CYP20A1: variants seen among roughly 807,000 people sequenced by gnomAD.
The protein encoded by CYP20A1 is cytochrome P450 20A1.
Under a neutral mutation model 61.4 loss-of-function variants are expected in CYP20A1, and 61 were observed. The ratio of observed to expected loss-of-function variants is 0.99; its 90% CI spans 0.81 to 1.23. The LOEUF is 1.23. CYP20A1 is among the 50% of genes most tolerant of loss of function. The pLI, the probability that CYP20A1 is intolerant of heterozygous loss-of-function variation, is 0.00. For synonymous variants in CYP20A1, 193 were observed against 188.2 expected (o/e 1.03, Z -0.21); for missense variants, 530 against 542.4 (o/e 0.98, Z 0.23).
intron 3 of CYP20A1, among the ~76,000 whole-genome samples, chr2:203,247,457 G>C (rs1559084698): frequency 6.6e-6 from 1 of 152,036 alleles, no homozygotes; most frequent in African/African-American, 2.4e-5. Flanking sequence ...TAAAATCTCA[G>C]TGTAAATTCC....
intron 11 of CYP20A1, among the ~76,000 whole-genome samples, chr2:203,294,941 ATTTTTTTT>A (rs1167546590): frequency 8.8e-5 from 4 of 45,470 alleles, no homozygotes; most frequent in African/African-American, 1.7e-4. Flanking sequence ...CTTTAAAAAA[ATTTTTTTT>A]TTTTTTTTTT....
rs1423387309 is a variant in CYP20A1, at chr2:203,303,791, A to G, written c.*6883A>G. ...CTTGGGAGGCTGAGGCATGAGAAAA[A>G]AAATAAACCTGGGAGGTGGAGGTTG... On this transcript the variant is annotated 3_prime_UTR_variant, in exon 13 of 13. Coordinates refer to ENST00000356079, the MANE Select transcript of CYP20A1 (RefSeq NM_177538.3). 1.3e-5 allele frequency among the ~76,000 whole-genome samples: 2 copies of G among 151,964 alleles called. No homozygotes were observed. Among genetic ancestry groups the G allele is most frequent in the Non-Finnish European group, 2.9e-5 (2 of 67,966 alleles).
At chr2:203,269,216 AGGAT>A (rs2067455823) in intron 5 of CYP20A1, among the ~76,000 whole-genome samples, 1 of 151,414 alleles carries the variant, frequency 6.6e-6, no homozygotes, top group Non-Finnish European at 1.5e-5. Context: ...CCAAGGCAGG[AGGAT>A]TACTTGAGCC....
At chr2:203,258,925 A>G (rs2067022064) in intron 4 of CYP20A1, among the ~76,000 whole-genome samples, 1 of 152,194 alleles carries the variant, frequency 6.6e-6, no homozygotes, top group Non-Finnish European at 1.5e-5. Flanking sequence ...TTTGTATTTA[A>G]TTGTGTATCC....
In CYP20A1 at chr2:203,304,826, C is replaced by T. The variant is rs866948526; in HGVS notation, c.*7918C>T. ...TGGCGCACACCTGTAGTCCCAACTA[C>T]TCAGGAGGCTGAGGTGGGAGGATTG... On this transcript the variant is annotated 3_prime_UTR_variant, in exon 13 of 13. Transcript: ENST00000356079. Among the ~76,000 whole-genome samples, 20 of 152,068 alleles carry T rather than the reference C, an allele frequency of 1.3e-4. No individual in the cohort carries two copies. Among genetic ancestry groups the T allele is most frequent in the Admixed American group, 3.9e-4 (6 of 15,252 alleles).
intron 4 of CYP20A1, among the ~76,000 whole-genome samples, chr2:203,264,020 T>C (rs969642225): frequency 6.6e-6 from 1 of 152,102 alleles, no homozygotes; most frequent in African/African-American, 2.4e-5. Flanking sequence ...GTTTTTGTTT[T>C]AGAGACATTT....
rs531766131 is a variant in CYP20A1 at position 203,293,502 on chromosome 2, C to T, written c.1148+1176C>T. Among the ~76,000 whole-genome samples the T allele has an allele frequency of 4.5e-4, 35 of 77,056 alleles. No homozygotes were observed. In the South Asian group the frequency reaches 0.015, roughly 34 times the overall value. 50.6% of individuals were successfully genotyped at this position (77,056 alleles called of 152,430 possible). On this transcript the variant is annotated intron_variant, in intron 11 of 12. Transcript: ENST00000356079. ...AGTGCAGGATTACAGCCACTGCGCC[C>T]GGCCTCTTTTTTTTTTTTTTCCCCA...
At chr2:203,277,891 G>C (rs1028940122) in intron 6 of CYP20A1, among the ~76,000 whole-genome samples, 3 of 152,160 alleles carry the variant, frequency 2.0e-5, no homozygotes, top group African/African-American at 7.2e-5. Flanking sequence ...TTCCTGATTT[G>C]GGAGAAGGAA....
At chr2:203,247,187 G>A (rs567131480) in intron 3 of CYP20A1, among the ~76,000 whole-genome samples, 5 of 152,148 alleles carry the variant, frequency 3.3e-5, no homozygotes, top group Admixed American at 2.6e-4. Context: ...CTTGAACCCC[G>A]GGGGCGGAGG....
chr2:203,246,435 T>C (rs1327352470), intron 2 of CYP20A1, among the ~76,000 whole-genome samples: 2 of 152,224 alleles, frequency 1.3e-5, no homozygotes, highest in African/African-American at 4.8e-5. Flanking sequence ...CACCAGCCGA[T>C]GATGTCCATT....
chr2:203,283,058 C>T (rs2068107757), intron 8 of CYP20A1, among the ~76,000 whole-genome samples: 1 of 151,154 alleles, frequency 6.6e-6, no homozygotes, highest in Admixed American at 6.6e-5. Flanking sequence ...TGCCTGTAGT[C>T]CCAGCTACTT....
chr2:203,300,268 TGATTA>T lies in CYP20A1; in HGVS notation c.*3361_*3365del, dbSNP rs2068969363. Among the ~76,000 whole-genome samples the T allele has an allele frequency of 6.6e-6, 1 of 152,176 alleles. No homozygotes were observed. The highest frequency in any genetic ancestry group is 1.5e-5 in the Non-Finnish European group (1 of 68,022). The stretch of plus-strand genomic sequence containing the variant: ...TATCCATAGTTACATGACTAACAAA[TGATTA>T]AAAAGAAGTTATTCTCTAGATAATT... On this transcript the variant is annotated 3_prime_UTR_variant, in exon 13 of 13. Coordinates refer to ENST00000356079, the MANE Select transcript of CYP20A1 (RefSeq NM_177538.3).
rs2068459458 is a variant in CYP20A1, at chr2:203,289,894, T to A, written c.1083+18T>A. On this transcript the variant is annotated intron_variant, in intron 10 of 12. Coordinates refer to ENST00000356079, the MANE Select transcript of CYP20A1 (RefSeq NM_177538.3). ...CTAGAGAGGTAGAAAACCTTTAATA[T>A]GTTTAATTCATTCAGCTATTCTCAA... 3 of 1,250,146 alleles carry A rather than the reference T, an allele frequency of 2.4e-6. No homozygotes were observed. The highest frequency in any genetic ancestry group is 2.9e-5 in the African/African-American group (2 of 68,272). 77.4% of individuals were successfully genotyped at this position (1,250,146 alleles called of 1,614,324 possible). A position where few individuals can be genotyped will look rare whatever the true frequency, so the allele number is the denominator to read the frequency against.
chr2:203,281,599 G>A (rs940459657), intron 8 of CYP20A1, among the ~76,000 whole-genome samples: 22 of 151,926 alleles, frequency 1.4e-4, no homozygotes, highest in African/African-American at 4.8e-4. Context: ...TCAGGAGTTC[G>A]AGACCAGCCT....
intron 9 of CYP20A1, among the ~76,000 whole-genome samples, chr2:203,288,563 G>C (rs1016374666): frequency 6.6e-6 from 1 of 151,934 alleles, no homozygotes; most frequent in African/African-American, 2.4e-5. Context: ...TATTGTTGTA[G>C]CTCAGTATCT....
At chr2:203,259,599 T>A (rs1575194534) in intron 4 of CYP20A1, 1 of 151,954 alleles carries the variant, frequency 6.6e-6, no homozygotes, top group Non-Finnish European at 1.5e-5. Context: ...AATTACCCAG[T>A]CGCAGCCGGG....
chr2:203,280,191 C>T lies in CYP20A1; in HGVS notation c.850+78C>T, dbSNP rs537235804. On this transcript the variant is annotated intron_variant, in intron 8 of 12. Coordinates refer to ENST00000356079, the MANE Select transcript of CYP20A1 (RefSeq NM_177538.3). ...GCACAGTGGCTCACACCTGTAATCC[C>T]AACACTTGGGGAGGCTGAGGTGGGA... 5 of 1,161,472 alleles carry T rather than the reference C, an allele frequency of 4.3e-6. No homozygotes were observed. The African/African-American group carries it at 6.2e-5, about 14-fold the overall frequency. The allele number at this position is 1,161,472 out of a possible 1,614,324, so 71.9% of individuals were successfully genotyped here. A position where few individuals can be genotyped will look rare whatever the true frequency, so the allele number is the denominator to read the frequency against.
At chr2:203,265,958 A>G (rs533437311) in intron 4 of CYP20A1, among the ~76,000 whole-genome samples, 72 of 152,162 alleles carry the variant, frequency 4.7e-4, no homozygotes, top group Non-Finnish European at 7.4e-4. Flanking sequence ...CCAAAGTGCT[A>G]GGATTACAGG....
intron 8 of CYP20A1, among the ~76,000 whole-genome samples, chr2:203,280,389 C>T (rs1559102529): frequency 6.6e-6 from 1 of 152,118 alleles, no homozygotes; most frequent in Non-Finnish European, 1.5e-5. Flanking sequence ...AGCCTGAAAA[C>T]AGAGTGAGAC....
Sources: gnomAD v4.1 joint callset for allele counts (sites outside exome capture counted in the v4.1 genomes callset) on GRCh38, gnomAD v4.1.1 for gene constraint, MANE v1.5 for transcripts, NCBI Gene and HGNC (gene_info 2026-07-23, HGNC 2026-07-21) for gene names.